UNC79: variants seen among roughly 807,000 people sequenced by gnomAD.
UNC79 encodes the protein protein unc-79 homolog.
Under a neutral mutation model 283.1 loss-of-function variants are expected in UNC79, and 37 were observed. That is an observed-to-expected ratio of 0.13 (90% CI 0.10 to 0.17). The LOEUF is 0.17. Among genes scored for constraint, UNC79 ranks in the 10% least tolerant of loss-of-function variants. UNC79 has a pLI of 1.00. For synonymous variants in UNC79, 1,107 were observed against 1,200.2 expected (o/e 0.92, Z 1.61); for missense variants, 2,272 against 3,211.1 (o/e 0.71, Z 7.07).
rs574271233 is a variant in UNC79, at chr14:93,676,109, C to T, written c.6741+2654C>T. 7.9e-5 allele frequency among the ~76,000 whole-genome samples: 12 copies of T among 152,264 alleles called. No individual in the cohort carries two copies. The South Asian group carries it at 8.3e-4, about 11-fold the overall frequency. On this transcript the variant is annotated intron_variant, in intron 41 of 48. Transcript: ENST00000555664. ...TGTTGCTCTGTCACCCAGGTTGGAACGCAGTGGCATGGTCTTAGCTCACTG... is the reference window on the plus strand; with the variant it reads ...TGTTGCTCTGTCACCCAGGTTGGAATGCAGTGGCATGGTCTTAGCTCACTG...
chr14:93,366,348 T>C (rs1157477559), intron 1 of UNC79, among the ~76,000 whole-genome samples: 1 of 152,150 alleles, frequency 6.6e-6, no homozygotes, highest in Non-Finnish European at 1.5e-5. Context: ...ACAGTATCTG[T>C]TCAGTGCATC....
At chr14:93,482,501 A>G (rs763073419) in intron 4 of UNC79, among the ~76,000 whole-genome samples, 3 of 152,100 alleles carry the variant, frequency 2.0e-5, no homozygotes, top group African/African-American at 4.8e-5. Context: ...ATGGAACACA[A>G]TTACCTCTGC....
At chr14:93,592,252 G>GCC (rs1258795767) in intron 22 of UNC79, among the ~76,000 whole-genome samples, 8 of 140,608 alleles carry the variant, frequency 5.7e-5, no homozygotes, top group Non-Finnish European at 1.2e-4. Flanking sequence ...TCGGTTCACT[G>GCC]CAAGCTCTGC....
At position 93,690,269 on chromosome 14, in the gene UNC79, T is replaced by C; in HGVS notation, c.7238T>C (p.Ile2413Thr). 6.2e-7 allele frequency: 1 copy of C among 1,614,108 alleles called. No individual in the cohort carries two copies. The highest frequency in any genetic ancestry group is 8.5e-7 in the Non-Finnish European group (1 of 1,180,014). ...GGCTCCCACGTTGCAGACCATCTTA[T>C]TGTTATCCTGATTGGATTTCCAGAG... is the stretch of plus-strand genomic sequence containing the variant. The change falls in exon 45 of 49, where the codon ATT (isoleucine) becomes ACT (threonine). Residue 2413 changes from isoleucine (I) to threonine (T), a missense_variant. Ile to Thr is a moderately conservative substitution (Grantham distance 89, BLOSUM62 -1). Transcript: ENST00000555664. This position sits in a 1 kb window ranked among gnomAD's most constrained non-coding sequence, Gnocchi z 4.3.
chr14:93,512,480 T>G (rs2059872640), intron 7 of UNC79, among the ~76,000 whole-genome samples: 1 of 152,174 alleles, frequency 6.6e-6, no homozygotes, highest in Non-Finnish European at 1.5e-5. Flanking sequence ...GTATTTATTC[T>G]GCCATTTCTG....
intron 26 of UNC79, among the ~76,000 whole-genome samples, chr14:93,609,684 T>C (rs2066157420): frequency 1.3e-5 from 2 of 152,224 alleles, no homozygotes; most frequent in South Asian, 4.1e-4. Flanking sequence ...AGTTTTGAAA[T>C]GGAAATTTCA....
chr14:93,389,358 A>G (rs1314970146), intron 1 of UNC79, among the ~76,000 whole-genome samples: 1 of 152,168 alleles, frequency 6.6e-6, no homozygotes, highest in Non-Finnish European at 1.5e-5. Context: ...GAAAGAAAAA[A>G]CAATGAAAAC....
rs139384303 is a variant in UNC79 at position 93,615,838 on chromosome 14, C to T, written c.4042-1284C>T. Among the ~76,000 whole-genome samples the T allele has an allele frequency of 6.2e-3, 931 of 151,070 alleles. 6 individuals are homozygous for T. Among genetic ancestry groups the T allele is most frequent in the Middle Eastern group, 0.041 (12 of 290 alleles). On this transcript the variant is annotated intron_variant, in intron 27 of 48. Coordinates refer to ENST00000555664, the Ensembl canonical transcript of UNC79. ...GGGGTTTGTATAACTCCAGAAAACC[C>T]GTGTCAAAAATAACTCCCTAACATT...
chr14:93,497,338 A>C (rs771097429), intron 7 of UNC79, 52 bp downstream of exon 7: 1 of 1,581,460 alleles, frequency 6.3e-7, no homozygotes, highest in African/African-American at 1.4e-5. Context: ...CCTGTGCCAC[A>C]CTGGCCTCAC....
chr14:93,554,262 C>T (rs2062040886), intron 14 of UNC79, among the ~76,000 whole-genome samples: 1 of 151,528 alleles, frequency 6.6e-6, no homozygotes, highest in Non-Finnish European at 1.5e-5. Flanking sequence ...GCAGGAGAGT[C>T]ACTTGAACCC....
chr14:93,437,442 C>T (rs1351337156), intron 1 of UNC79: 1 of 152,112 alleles, frequency 6.6e-6, no homozygotes, highest in Non-Finnish European at 1.5e-5. Flanking sequence ...CATCCTTGCG[C>T]AAGGGTCATG....
In UNC79 at chr14:93,431,062, G is replaced by C. The variant is rs1422566614; in HGVS notation, c.22+11G>C. 1.6e-5 allele frequency: 11 copies of C among 701,336 alleles called. No individual in the cohort carries two copies. The highest frequency in any genetic ancestry group is 2.9e-5 in the Non-Finnish European group (11 of 384,594). 43.4% of individuals were successfully genotyped at this position (701,336 alleles called of 1,614,324 possible). A position where few individuals can be genotyped will look rare whatever the true frequency, so the allele number is the denominator to read the frequency against. ...CCAAAGCGGAGCAGTGTAAGTAGCA[G>C]CCGGCCCGGCATTCCGGCCCGGCCT... On this transcript the variant is annotated intron_variant, in intron 1 of 48. Coordinates refer to ENST00000555664, the Ensembl canonical transcript of UNC79.
chr14:93,658,398 G>A (rs1348660521), intron 38 of UNC79, among the ~76,000 whole-genome samples: 1 of 152,098 alleles, frequency 6.6e-6, no homozygotes, highest in African/African-American at 2.4e-5. Flanking sequence ...GCTGGTTCTG[G>A]GATTCCACTT....
chr14:93,480,983 G>A (rs74402647), intron 4 of UNC79, among the ~76,000 whole-genome samples: 1,532 of 152,218 alleles, frequency 0.01, 24 homozygotes, highest in African/African-American at 0.035. Context: ...CTATCCTTAA[G>A]GACCTAGAAG....
chr14:93,595,204 C>T (rs2064987835), intron 23 of UNC79, among the ~76,000 whole-genome samples: 1 of 151,896 alleles, frequency 6.6e-6, no homozygotes, highest in Non-Finnish European at 1.5e-5. Context: ...ATTCTGTTGC[C>T]TCAGCCTCCT....
chr14:93,398,927 C>T (rs2055050083), intron 1 of UNC79, among the ~76,000 whole-genome samples: 2 of 152,132 alleles, frequency 1.3e-5, no homozygotes, highest in South Asian at 2.1e-4. Flanking sequence ...AGTCCATTCT[C>T]ATGCTGCTAT....
rs1019855569 is a variant in UNC79 at position 93,572,837 on chromosome 14, A to T, written c.2070+21A>T. ...TTCATGTAAGTGAATAATACTTTCGATCATTTTAGGAAATAGTTCTTAGCT... is the reference window on the plus strand; with the variant it reads ...TTCATGTAAGTGAATAATACTTTCGTTCATTTTAGGAAATAGTTCTTAGCT... On this transcript the variant is annotated intron_variant, in intron 16 of 48. Coordinates refer to ENST00000555664, the Ensembl canonical transcript of UNC79. 8 of 1,611,382 alleles carry T rather than the reference A, an allele frequency of 5.0e-6. No individual in the cohort carries two copies. In the African/African-American group the frequency reaches 1.1e-4, roughly 22 times the overall value.
At chr14:93,344,584 C>A (rs908052604) in intron 1 of UNC79, among the ~76,000 whole-genome samples, 1 of 152,188 alleles carries the variant, frequency 6.6e-6, no homozygotes, top group Non-Finnish European at 1.5e-5. Flanking sequence ...TCCCAAGTTA[C>A]AACATCCATC....
chr14:93,349,177 T>G (rs2053932121), intron 1 of UNC79, among the ~76,000 whole-genome samples: 1 of 152,132 alleles, frequency 6.6e-6, no homozygotes, highest in African/African-American at 2.4e-5. Context: ...ACACTCACCG[T>G]GAAGGTCTGC....
Sources: gnomAD v4.1 joint callset for allele counts (sites outside exome capture counted in the v4.1 genomes callset) on GRCh38, gnomAD v4.1.1 for gene constraint, Gnocchi (gnomAD v3.1) non-coding constraint, MANE v1.5 for transcripts, NCBI Gene and HGNC (gene_info 2026-07-23, HGNC 2026-07-21) for gene names.